Variants in KCNJ15 observed in about 807,000 individuals in gnomAD.
KCNJ15 encodes the protein potassium inwardly rectifying channel subfamily J member 15.
In KCNJ15, 14 loss-of-function variants were observed where a neutral mutation model predicts 23.0. The ratio of observed to expected loss-of-function variants is 0.61; its 90% CI spans 0.40 to 0.95. KCNJ15 has a LOEUF of 0.95. Ranked by LOEUF, KCNJ15 falls within the 40% of genes least tolerant of loss-of-function variation. KCNJ15 has a pLI of 0.00. For missense variants in KCNJ15, 388 were observed against 461.8 expected (o/e 0.84, Z 1.46); for synonymous variants, 185 against 183.2 (o/e 1.01, Z -0.08).
chr21:38,286,142 C>T (rs1983872714), intron 1 of KCNJ15, among the ~76,000 whole-genome samples: 1 of 152,110 alleles, frequency 6.6e-6, no homozygotes, highest in Non-Finnish European at 1.5e-5. Context: ...ACTTGGGAGG[C>T]TGAGGCAGAA....
intron 1 of KCNJ15, chr21:38,238,454 C>T (rs1978767798): frequency 3.0e-6 from 2 of 664,692 alleles, no homozygotes; most frequent in Non-Finnish European, 5.7e-6. Context: ...GTGTCCTTGG[C>T]CTGGCGGTCT....
At chr21:38,286,693 C>T (rs1452725719) in intron 1 of KCNJ15, among the ~76,000 whole-genome samples, 1 of 152,184 alleles carries the variant, frequency 6.6e-6, no homozygotes, top group African/African-American at 2.4e-5. Flanking sequence ...GTAATATCTA[C>T]AGCATTTAGA....
rs2146354279 is a variant in KCNJ15 at position 38,299,614 on chromosome 21, T to C, written c.353T>C (p.Phe118Ser). The change falls in exon 3 of 3, where the codon TTT becomes TCT. Residue 118 changes from phenylalanine (F) to serine (S), a missense_variant. Transcript: ENST00000398938. This position sits in a 1 kb window ranked among gnomAD's most constrained non-coding sequence, Gnocchi z 4.5. ...AAAGTGGACTCTCTCACTGGGGCGTTTCTCTTTTCCCTGGAATCCCAGACA... is the reference window on the plus strand; with the variant it reads ...AAAGTGGACTCTCTCACTGGGGCGTCTCTCTTTTCCCTGGAATCCCAGACA... ...IMKVDSLTGA[F>S]LFSLESQTTI... The C allele has an allele frequency of 6.2e-7, 1 of 1,613,976 alleles. No individual in the cohort carries two copies. The highest frequency in any genetic ancestry group is 2.2e-5 in the East Asian group (1 of 44,866).
In KCNJ15 at chr21:38,299,455, A is replaced by G. The variant is rs1036317738; in HGVS notation, c.194A>G (p.Tyr65Cys). The change falls in exon 3 of 3, where the codon TAC becomes TGC. Residue 65 changes from tyrosine to cysteine, a missense_variant. Physicochemically the swap from Tyr to Cys is radical, Grantham distance 194 (BLOSUM62 -2). Transcript: ENST00000398938. The surrounding 1 kb of genome is among the most constrained non-coding windows in gnomAD (Gnocchi z 4.5). ...WTTVIDMKWR[Y>C]KLTLFAATFV... ...ACAGTTATCGACATGAAGTGGAGATACAAACTCACCCTGTTCGCTGCCACT... is the reference window on the plus strand; with the variant it reads ...ACAGTTATCGACATGAAGTGGAGATGCAAACTCACCCTGTTCGCTGCCACT... 1 of 1,614,196 alleles carries G rather than the reference A, an allele frequency of 6.2e-7. No homozygotes were observed. The highest frequency in any genetic ancestry group is 1.7e-5 in the Admixed American group (1 of 60,024).
upstream of KCNJ15, among the ~76,000 whole-genome samples, chr21:38,256,379 T>TATATATATATATAA (rs1555882103): frequency 5.9e-5 from 7 of 118,094 alleles, no homozygotes; most frequent in African/African-American, 1.2e-4. Context: ...TATATATATA[T>TATATATATATATAA]AATATTTATC....
chr21:38,260,707 C>T (rs150427447), intron 1 of KCNJ15, among the ~76,000 whole-genome samples: 155 of 152,294 alleles, frequency 1.0e-3, no homozygotes, highest in African/African-American at 3.4e-3. Context: ...GCCAGCCACC[C>T]GATTCGTTTC....
Position 38,302,212 on chromosome 21 carries a change from A to G in KCNJ15, c.*1823A>G, listed in dbSNP as rs907796517. 6.6e-6 allele frequency: 1 copy of G among 152,258 alleles called. No individual in the cohort carries two copies. The highest frequency in any genetic ancestry group is 1.5e-5 in the Non-Finnish European group (1 of 68,040). The allele number at this position is 152,258 out of a possible 1,614,324, so 9.4% of individuals were successfully genotyped here. On this transcript the variant is annotated 3_prime_UTR_variant, in exon 3 of 3. Coordinates refer to ENST00000398938, the MANE Select transcript of KCNJ15 (RefSeq NM_170736.3). The stretch of plus-strand genomic sequence containing the variant: ...GTTCTAGTTCTATAAAAATATGAAC[A>G]TTGGGACTCAGAGAAAATGGGGAAA...
chr21:38,238,674 T>C, intron 1 of KCNJ15: 1 of 516,168 alleles, frequency 1.9e-6, no homozygotes, highest in African/African-American at 2.0e-5. Flanking sequence ...CTGGAGACTG[T>C]AATGTTTTAA....
At chr21:38,298,976 G>A (rs2071291981) in intron 2 of KCNJ15, among the ~76,000 whole-genome samples, 1 of 152,180 alleles carries the variant, frequency 6.6e-6, no homozygotes, top group Non-Finnish European at 1.5e-5. Context: ...GGAGAGCAAA[G>A]GTCCAGAGAG....
intron 1 of KCNJ15, among the ~76,000 whole-genome samples, chr21:38,243,842 A>G (rs988823): frequency 0.6 from 91,710 of 152,150 alleles, 29,735 homozygotes; most frequent in East Asian, 0.86. Flanking sequence ...AAAACAAATG[A>G]CAGGCTGCAT....
chr21:38,273,169 T>C (rs1366046025), intron 1 of KCNJ15, among the ~76,000 whole-genome samples: 3 of 152,228 alleles, frequency 2.0e-5, no homozygotes, highest in East Asian at 1.9e-4. Flanking sequence ...AAAAGTCTTA[T>C]TGTATATGAA....
rs1429805541 is a variant in KCNJ15, at chr21:38,307,156, T to C, written c.*6767T>C. 1 of 152,218 alleles carries C rather than the reference T, an allele frequency of 6.6e-6. No homozygotes were observed. The highest frequency in any genetic ancestry group is 6.5e-5 in the Admixed American group (1 of 15,286). 9.4% of individuals were successfully genotyped at this position (152,218 alleles called of 1,614,324 possible). On this transcript the variant is annotated 3_prime_UTR_variant, in exon 3 of 3. Coordinates refer to ENST00000398938, the MANE Select transcript of KCNJ15 (RefSeq NM_170736.3). The stretch of plus-strand genomic sequence containing the variant: ...GAAATCTCACACTAACTGTGGATAC[T>C]CTGTCATCACTGAACCCAATCATAC...
Position 38,281,376 on chromosome 21 carries a change from G to A in KCNJ15, c.-116-15550G>A, listed in dbSNP as rs981710702. ...CGAGGTTTGGTGTATAAATCCTGTCGTGCAGGTAGTGAGCACAGTACCTGA... is the reference window on the plus strand; with the variant it reads ...CGAGGTTTGGTGTATAAATCCTGTCATGCAGGTAGTGAGCACAGTACCTGA... On this transcript the variant is annotated intron_variant, in intron 1 of 2. Coordinates refer to ENST00000398938, the MANE Select transcript of KCNJ15 (RefSeq NM_170736.3). Among the ~76,000 whole-genome samples the A allele has an allele frequency of 2.0e-5, 3 of 152,136 alleles. No individual in the cohort carries two copies. In the East Asian group the frequency reaches 5.8e-4, roughly 29 times the overall value.
chr21:38,280,435 A>G (rs549889268), intron 1 of KCNJ15, among the ~76,000 whole-genome samples: 24 of 152,234 alleles, frequency 1.6e-4, no homozygotes, highest in Non-Finnish European at 2.6e-4. Context: ...TTTCTTTGGG[A>G]AAACAGCATT....
Position 38,263,315 on chromosome 21 carries a change from C to T in KCNJ15, c.-117+6130C>T, listed in dbSNP as rs564125187. ...GAAGGCAGGAGGGAGTGTCCTGAAA[C>T]ACAATTGAATTTGACAGCAAAGCAC... is the stretch of plus-strand genomic sequence containing the variant. On this transcript the variant is annotated intron_variant, in intron 1 of 2. Coordinates refer to ENST00000398938, the MANE Select transcript of KCNJ15 (RefSeq NM_170736.3). Among the ~76,000 whole-genome samples the T allele has an allele frequency of 5.9e-5, 9 of 152,248 alleles. No homozygotes were observed. The East Asian group carries it at 1.7e-3, about 29-fold the overall frequency.
chr21:38,292,943 T>A (rs1984768244), intron 1 of KCNJ15, among the ~76,000 whole-genome samples: 1 of 145,862 alleles, frequency 6.9e-6, no homozygotes, highest in Non-Finnish European at 1.5e-5. Flanking sequence ...CACTCCAGCC[T>A]GCGTGACAGA....
chr21:38,241,215 T>C (rs1978970956), intron 1 of KCNJ15, among the ~76,000 whole-genome samples: 1 of 152,246 alleles, frequency 6.6e-6, no homozygotes, highest in Admixed American at 6.5e-5. Flanking sequence ...TCACACAGGG[T>C]GGGTGCCAAG....
At chr21:38,229,945 G>T (rs1247554812) in intron 1 of KCNJ15, among the ~76,000 whole-genome samples, 3 of 152,122 alleles carry the variant, frequency 2.0e-5, no homozygotes, top group Non-Finnish European at 4.4e-5. Context: ...GCAGCTGATG[G>T]GCATTTGGGT....
Position 38,305,321 on chromosome 21 carries a change from A to G in KCNJ15, c.*4932A>G, listed in dbSNP as rs918449072. ...TCAAATTCAAATTAGGAATTTATGG[A>G]CATTCAGATATCCACATATTTGAGG... On this transcript the variant is annotated 3_prime_UTR_variant, in exon 3 of 3. Coordinates refer to ENST00000398938, the MANE Select transcript of KCNJ15 (RefSeq NM_170736.3). 6.6e-6 allele frequency: 1 copy of G among 152,198 alleles called. No homozygotes were observed. Among genetic ancestry groups the G allele is most frequent in the African/African-American group, 2.4e-5 (1 of 41,436 alleles). The allele number at this position is 152,198 out of a possible 1,614,324, so 9.4% of individuals were successfully genotyped here.
Sources: gnomAD v4.1 joint callset for allele counts (sites outside exome capture counted in the v4.1 genomes callset) on GRCh38, gnomAD v4.1.1 for gene constraint, Gnocchi (gnomAD v3.1) non-coding constraint, MANE v1.5 for transcripts, NCBI Gene and HGNC (gene_info 2026-07-23, HGNC 2026-07-21) for gene names.